The following SLC9A7 variants were observed in gnomAD, a reference collection of about 807,000 sequenced individuals.
SLC9A7 encodes the protein sodium/hydrogen exchanger 7.
In SLC9A7, 19 loss-of-function variants were observed where a neutral mutation model predicts 52.6. The ratio of observed to expected loss-of-function variants is 0.36; its 90% CI spans 0.25 to 0.53. The LOEUF is 0.53. Among genes scored for constraint, SLC9A7 ranks in the 20% least tolerant of loss-of-function variants. The pLI is 0.91. For synonymous variants in SLC9A7, 226 were observed against 252.1 expected, an observed-to-expected ratio of 0.90 and a Z score of 0.98; for missense variants, 455 against 597.9, an observed-to-expected ratio of 0.76 and a Z score of 2.49.
intron 1 of SLC9A7, among the ~76,000 whole-genome samples, chrX:46,713,208 G>A (rs1412887662): frequency 1.8e-5 from 2 of 111,835 alleles, no homozygotes; most frequent in African/African-American, 3.3e-5. Flanking sequence ...TATAGAAAAT[G>A]CACAAGGCAG....
In SLC9A7 at chrX:46,682,522, C is replaced by T; in HGVS notation, c.339G>A (p.Gly113=). 8.3e-7 allele frequency: 1 copy of T among 1,209,566 alleles called. No homozygotes were observed. The highest frequency in any genetic ancestry group is 3.0e-5 in the East Asian group (1 of 33,795). The part of the protein sequence containing the change: ...GLAMIYGLIV[G]VILRYGTPAT... ...CAGGGGTACCATACCTCAGGATCACCCCAACGATGAGCCCTGAAAGAGTGG... is the reference window on the plus strand; with the variant it reads ...CAGGGGTACCATACCTCAGGATCACTCCAACGATGAGCCCTGAAAGAGTGG... The change falls in exon 2 of 17, where the codon GGG becomes GGA. Residue 113 remains glycine (G), a synonymous_variant. Transcript: ENST00000616978.
intron 1 of SLC9A7, among the ~76,000 whole-genome samples, chrX:46,683,652 C>G (rs1003157929): frequency 3.6e-5 from 4 of 111,510 alleles, no homozygotes; most frequent in Non-Finnish European, 7.5e-5. Flanking sequence ...CTCCCTGGAC[C>G]TGAACACGAG....
intron 3 of SLC9A7, among the ~76,000 whole-genome samples, chrX:46,673,615 AT>A (rs1391320543): frequency 8.9e-6 from 1 of 112,137 alleles, no homozygotes; most frequent in Non-Finnish European, 1.9e-5. Flanking sequence ...TTTACCTAAA[AT>A]TTTTTTAAAA....
rs538130534 is a variant in SLC9A7, at chrX:46,693,948, C to G, written c.326-11413G>C. Among the ~76,000 whole-genome samples, 3 of 109,694 alleles carry G rather than the reference C, an allele frequency of 2.7e-5. No individual in the cohort carries two copies. The South Asian group carries it at 1.2e-3, about 43-fold the overall frequency. ...TATCCTAAGCGAATTAAGGCAGGAACAGAAAAACAAATACCACATTTTCCC... is the reference window on the plus strand; with the variant it reads ...TATCCTAAGCGAATTAAGGCAGGAAGAGAAAAACAAATACCACATTTTCCC... On this transcript the variant is annotated intron_variant, in intron 1 of 16. Transcript: ENST00000616978.
intron 1 of SLC9A7, among the ~76,000 whole-genome samples, chrX:46,721,925 C>A (rs1944867447): frequency 8.9e-6 from 1 of 112,528 alleles, no homozygotes; most frequent in African/African-American, 3.2e-5. Flanking sequence ...TTGCTTCCCA[C>A]ATCTGCAATC....
chrX:46,664,981 T>C (rs945852200), intron 5 of SLC9A7, among the ~76,000 whole-genome samples: 3 of 110,843 alleles, frequency 2.7e-5, no homozygotes, highest in Admixed American at 9.7e-5. Context: ...AACTTCTCAT[T>C]CTCCCTGCTC....
At chrX:46,677,703 C>T (rs1362473696) in intron 3 of SLC9A7, among the ~76,000 whole-genome samples, 1 of 112,313 alleles carries the variant, frequency 8.9e-6, no homozygotes, top group Non-Finnish European at 1.9e-5. Flanking sequence ...TGATAGAAAA[C>T]CCAGCCTGAT....
At chrX:46,643,139 T>A in intron 12 of SLC9A7, 97 bp downstream of exon 12, 1 of 814,148 alleles carries the variant, frequency 1.2e-6, no homozygotes, top group Non-Finnish European at 1.7e-6. Flanking sequence ...TGTAAAAGGT[T>A]TCCATGAACT....
At chrX:46,692,595 T>C (rs917046093) in intron 1 of SLC9A7, among the ~76,000 whole-genome samples, 1 of 111,709 alleles carries the variant, frequency 9.0e-6, no homozygotes, top group Non-Finnish European at 1.9e-5. Context: ...ACTGTGGTAT[T>C]CAGAGTCATC....
At chrX:46,675,274 T>G (rs1420359181) in intron 3 of SLC9A7, among the ~76,000 whole-genome samples, 2 of 111,196 alleles carry the variant, frequency 1.8e-5, no homozygotes, top group African/African-American at 3.3e-5. Context: ...GATAGCTATA[T>G]GATGTGAATA....
At chrX:46,670,312 C>T (rs1306958602) in intron 4 of SLC9A7, among the ~76,000 whole-genome samples, 1 of 112,160 alleles carries the variant, frequency 8.9e-6, no homozygotes, top group Non-Finnish European at 1.9e-5. Context: ...TTGCATGGGT[C>T]AGGCAGGCCA....
intron 1 of SLC9A7, among the ~76,000 whole-genome samples, chrX:46,731,151 G>T (rs982061742): frequency 1.8e-5 from 2 of 110,066 alleles, no homozygotes; most frequent in African/African-American, 6.6e-5. Flanking sequence ...AGAACAGAAA[G>T]TCCAGAAATA....
chrX:46,653,810 G>T, intron 7 of SLC9A7, 96 bp from the exon 8 acceptor site: 1 of 548,959 alleles, frequency 1.8e-6, no homozygotes, highest in Non-Finnish European at 2.9e-6. Context: ...CAAAGGGCTA[G>T]CCTTTCCCTT....
At chrX:46,678,711 C>A (rs1944162747) in intron 3 of SLC9A7, among the ~76,000 whole-genome samples, 1 of 110,575 alleles carries the variant, frequency 9.0e-6, no homozygotes, top group African/African-American at 3.3e-5. Context: ...AGCACGATGA[C>A]CCTCAGTAAT....
intron 1 of SLC9A7, among the ~76,000 whole-genome samples, chrX:46,748,804 TG>T: frequency 9.1e-6 from 1 of 110,067 alleles, no homozygotes; most frequent in East Asian, 2.9e-4. Flanking sequence ...GAAGGGTGGA[TG>T]GGGAGTTACT....
intron 7 of SLC9A7, among the ~76,000 whole-genome samples, chrX:46,655,954 G>A (rs916421505): frequency 1.4e-3 from 161 of 111,894 alleles, no homozygotes; most frequent in Middle Eastern, 4.6e-3. Flanking sequence ...AGTAACCTCC[G>A]CAGACTTAAA....
chrX:46,631,502 C>T (rs1014515004), intron 14 of SLC9A7, 84 bp downstream of exon 14: 4 of 738,679 alleles, frequency 5.4e-6, no homozygotes, highest in African/African-American at 4.2e-5. Flanking sequence ...GTCAGGATCA[C>T]ATTGAGGGAA....
chrX:46,725,171 G>A, intron 1 of SLC9A7: 1 of 790,775 alleles, frequency 1.3e-6, no homozygotes, highest in Non-Finnish European at 2.0e-6. Context: ...ATGAAGTAGG[G>A]ATCTGTGGCA....
At chrX:46,681,686 C>T (rs1944212198) in intron 2 of SLC9A7, among the ~76,000 whole-genome samples, 1 of 111,907 alleles carries the variant, frequency 8.9e-6, no homozygotes, top group African/African-American at 3.2e-5. Flanking sequence ...ATGGAGTATA[C>T]ATCAATTAAT....
Sources: allele counts gnomAD v4.1 joint callset (sites outside exome capture counted in the v4.1 genomes callset), GRCh38; gene constraint gnomAD v4.1.1; transcripts MANE v1.5; gene names NCBI Gene and HGNC (gene_info 2026-07-23, HGNC 2026-07-21).